TYW2: variants seen among roughly 807,000 people sequenced by gnomAD.
The protein encoded by TYW2 is tRNA wybutosine-synthesizing protein 2 homolog.
chr8:124,451,733 A>G, the TYW2 span: 1 of 1,614,178 alleles, frequency 6.2e-7, no homozygotes, highest in Non-Finnish European at 8.5e-7. Context: ...TGGAATCCCC[A>G]TGCTGTAGTT....
chr8:124,452,916 TAGAGAG>T, the TYW2 span: 1 of 167,202 alleles, frequency 6.0e-6, no homozygotes, highest in South Asian at 2.1e-4. Context: ...CTGACTAAAT[TAGAGAG>T]AGAAGGGAAC....
chr8:124,450,979 G>C, the TYW2 span: 1 of 1,614,188 alleles, frequency 6.2e-7, no homozygotes, highest in Middle Eastern at 1.6e-4. Context: ...TGGGAAGCCC[G>C]TGGCTGTTGT....
the TYW2 span, chr8:124,450,906 G>A: frequency 1.3e-6 from 2 of 1,599,146 alleles, no homozygotes; most frequent in South Asian, 1.1e-5. Flanking sequence ...CGACTCTGAG[G>A]AGATGGAGTA....
chr8:124,450,886 C>T, the TYW2 span: 5 of 1,569,360 alleles, frequency 3.2e-6, no homozygotes, highest in Non-Finnish European at 3.5e-6. Context: ...ATTTAGTCAG[C>T]CTGGTGAGCC....
the TYW2 span, chr8:124,450,938 A>G: frequency 8.7e-6 from 14 of 1,613,386 alleles, no homozygotes; most frequent in Non-Finnish European, 1.2e-5. Flanking sequence ...ATGAGAGAGA[A>G]TGTGGTTGTT....
chr8:124,452,480 G>C, the TYW2 span: 1 of 562,772 alleles, frequency 1.8e-6, no homozygotes, highest in Non-Finnish European at 3.2e-6. Flanking sequence ...GGGAGAAGCA[G>C]CATGGCCCAT....
chr8:124,450,958 G>A, the TYW2 span: 2 of 1,614,138 alleles, frequency 1.2e-6, no homozygotes, highest in South Asian at 2.2e-5. Flanking sequence ...TAGCAACATG[G>A]AGAGAGAAAG....
At chr8:124,452,000 A>T in the TYW2 span, 1 of 1,614,074 alleles carries the variant, frequency 6.2e-7, no homozygotes, top group South Asian at 1.1e-5. Flanking sequence ...GTAGAGAAAG[A>T]GCATTGGCTG....
chr8:124,451,075 G>C, the TYW2 span: 1 of 1,614,208 alleles, frequency 6.2e-7, no homozygotes, highest in Non-Finnish European at 8.5e-7. Flanking sequence ...GCACCGTGTG[G>C]AAAAGATGCC....
chr8:124,451,354 C>T, the TYW2 span: 2 of 1,614,136 alleles, frequency 1.2e-6, no homozygotes, highest in Non-Finnish European at 1.7e-6. Context: ...TCTCTTGTTG[C>T]TGAGTGAAGA....
the TYW2 span, chr8:124,452,216 C>A: frequency 6.2e-7 from 1 of 1,614,162 alleles, no homozygotes; most frequent in Non-Finnish European, 8.5e-7. Flanking sequence ...TCCTATGCTC[C>A]CCATGTGGAT....
chr8:124,452,055 C>T, the TYW2 span: 1 of 1,614,182 alleles, frequency 6.2e-7, no homozygotes, highest in Non-Finnish European at 8.5e-7. Context: ...ATGGAGCTAC[C>T]AGGGATTCTA....
chr8:124,451,971 G>A, the TYW2 span: 2 of 1,614,188 alleles, frequency 1.2e-6, no homozygotes, highest in South Asian at 2.2e-5. Flanking sequence ...AGAATCTTCA[G>A]GCTCTTGGAG....
the TYW2 span, chr8:124,452,766 G>A: frequency 2.4e-5 from 4 of 169,772 alleles, no homozygotes; most frequent in Non-Finnish European, 2.9e-5. Flanking sequence ...AGGCTTCTGT[G>A]GTTGTCCAGG....
the TYW2 span, chr8:124,451,617 G>A: frequency 6.2e-7 from 1 of 1,614,200 alleles, no homozygotes. Context: ...GAGTGGCATC[G>A]TTGTCCTGTG....
chr8:124,451,496 CACT>C, the TYW2 span: 1 of 1,614,108 alleles, frequency 6.2e-7, no homozygotes, highest in East Asian at 2.2e-5. Flanking sequence ...CCAGCAGTGA[CACT>C]GCTGCTGGGT....
At chr8:124,451,655 CA>C in the TYW2 span, 4 of 1,614,204 alleles carry the variant, frequency 2.5e-6, no homozygotes, top group Admixed American at 6.7e-5. Flanking sequence ...GATCTCTATG[CA>C]GGGATTGGTT....
the TYW2 span, chr8:124,452,288 T>C: frequency 2.5e-6 from 4 of 1,608,092 alleles, no homozygotes; most frequent in Non-Finnish European, 3.4e-6. Flanking sequence ...AGGTAGATCC[T>C]GGGACACATG....
chr8:124,452,382 A>G, the TYW2 span: 4 of 1,127,742 alleles, frequency 3.5e-6, no homozygotes, highest in East Asian at 7.6e-5. Context: ...AGTTTTTTTC[A>G]TATTTTATAG....
Sources: gnomAD v4.1 joint callset for allele counts on GRCh38, gnomAD v4.1.1 for gene constraint, MANE v1.5 for transcripts, NCBI Gene and HGNC (gene_info 2026-07-23, HGNC 2026-07-21) for gene names.